Variants in SYNPR observed in about 807,000 individuals in gnomAD.
The protein encoded by SYNPR is synaptoporin.
Under a neutral mutation model 32.9 loss-of-function variants are expected in SYNPR, and 23 were observed. The observed-to-expected ratio is 0.70, with a 90% CI of 0.50 to 0.99. SYNPR has a LOEUF of 0.99. Ranked by LOEUF, SYNPR falls within the 50% of genes least tolerant of loss-of-function variation. SYNPR has a pLI of 0.00. For missense variants in SYNPR, 318 were observed against 349.3 expected (o/e 0.91, Z 0.71); for synonymous variants, 146 against 135.9 (o/e 1.07, Z -0.52).
At chr3:63,357,586 A>G (rs1034256811) in intron 2 of SYNPR, among the ~76,000 whole-genome samples, 7 of 152,032 alleles carry the variant, frequency 4.6e-5, no homozygotes, top group African/African-American at 1.7e-4. Flanking sequence ...TGCCTGCTGG[A>G]TTCTCATTGG....
intron 2 of SYNPR, among the ~76,000 whole-genome samples, chr3:63,446,213 A>G (rs1465645306): frequency 1.3e-5 from 2 of 151,956 alleles, no homozygotes; most frequent in Non-Finnish European, 2.9e-5. Flanking sequence ...ATAAAAAGCA[A>G]TTCCAACGGA....
intron 4 of SYNPR, among the ~76,000 whole-genome samples, chr3:63,576,207 TG>T (rs1702977063): frequency 6.6e-6 from 1 of 152,186 alleles, no homozygotes; most frequent in African/African-American, 2.4e-5. Context: ...TTCACAACTT[TG>T]TATGTGAGGT....
chr3:63,460,572 CAAAAAAA>C lies in SYNPR; in HGVS notation c.85-20243_85-20237del, dbSNP rs11390803. Among the ~76,000 whole-genome samples the C allele has an allele frequency of 1.1e-3, 48 of 45,714 alleles. No individual in the cohort carries two copies. In the Middle Eastern group the frequency reaches 0.062, roughly 60 times the overall value. The allele number at this position is 45,714 out of a possible 152,430, so 30.0% of individuals were successfully genotyped here. A position where few individuals can be genotyped will look rare whatever the true frequency, so the allele number is the denominator to read the frequency against. Reference sequence around the variant, plus strand: ...ACAGCATAGGTGAGGATTGGTAGACCAAAAAAAAAAAAAAAAAAAAAAAGCCAAGATT... The same window carrying C: ...ACAGCATAGGTGAGGATTGGTAGACCAAAAAAAAAAAAAAAAGCCAAGATT... On this transcript the variant is annotated intron_variant, in intron 2 of 5. Coordinates refer to ENST00000478300, the MANE Select transcript of SYNPR (RefSeq NM_001130003.2).
intron 3 of SYNPR, among the ~76,000 whole-genome samples, chr3:63,503,751 C>A (rs1044040316): frequency 1.3e-5 from 2 of 151,854 alleles, no homozygotes; most frequent in Admixed American, 1.3e-4. Flanking sequence ...AGTAACAGTA[C>A]CTCCTAAAAC....
At chr3:63,207,502 T>C in the SYNPR span, among the ~76,000 whole-genome samples, 1 of 152,334 alleles carries the variant, frequency 6.6e-6, no homozygotes, top group South Asian at 2.1e-4. Flanking sequence ...TTGGTAAGTA[T>C]TCATGAGTAC....
intron 3 of SYNPR, among the ~76,000 whole-genome samples, chr3:63,494,707 G>A (rs1245844435): frequency 1.3e-5 from 2 of 151,798 alleles, no homozygotes; most frequent in Non-Finnish European, 2.9e-5. Context: ...CACTTGACAG[G>A]TGAGCAAACT....
intron 1 of SYNPR, among the ~76,000 whole-genome samples, chr3:63,236,835 A>T (rs1029295821): frequency 6.6e-6 from 1 of 151,952 alleles, no homozygotes; most frequent in Non-Finnish European, 1.5e-5. Context: ...TTCCTTTCCA[A>T]TCTGTATGCC....
intron 2 of SYNPR, among the ~76,000 whole-genome samples, chr3:63,479,445 T>TGC (rs10647350): frequency 0.066 from 6,430 of 98,008 alleles, 487 homozygotes; most frequent in African/African-American, 0.2. Flanking sequence ...GCCACACACA[T>TGC]GCACACACAC....
At chr3:63,343,344 C>A (rs2087392639) in intron 2 of SYNPR, among the ~76,000 whole-genome samples, 1 of 152,114 alleles carries the variant, frequency 6.6e-6, no homozygotes, top group South Asian at 2.1e-4. Flanking sequence ...ACAATGGATT[C>A]TAGGAGAGCC....
chr3:63,408,200 G>GAAA (rs1560220870), intron 2 of SYNPR, among the ~76,000 whole-genome samples: 523 of 43,488 alleles, frequency 0.012, 48 homozygotes, highest in Non-Finnish European at 0.014. Context: ...GAAAGAGGAA[G>GAAA]GAAGGAAGGA....
In SYNPR at chr3:63,500,980, C is replaced by A. The variant is rs142950049; in HGVS notation, c.209+20024C>A. The stretch of plus-strand genomic sequence containing the variant: ...TAATTTGGAAAATGAAACTAATAAT[C>A]CCTATTTTGCAAGTTTTCTGTGACA... On this transcript the variant is annotated intron_variant, in intron 3 of 5. Transcript: ENST00000478300. 7.7e-3 allele frequency among the ~76,000 whole-genome samples: 1,168 copies of A among 152,166 alleles called. 14 individuals are homozygous for A. Among genetic ancestry groups the A allele is most frequent in the African/African-American group, 0.026 (1,078 of 41,512 alleles).
At chr3:63,534,311 A>G (rs964875095) in intron 3 of SYNPR, among the ~76,000 whole-genome samples, 4 of 152,184 alleles carry the variant, frequency 2.6e-5, no homozygotes, top group Admixed American at 6.5e-5. Flanking sequence ...GTGCTTTCTC[A>G]TGTGGGTACA....
intron 3 of SYNPR, among the ~76,000 whole-genome samples, chr3:63,494,451 ATAT>A (rs1701326046): frequency 7.6e-6 from 1 of 130,776 alleles, no homozygotes; most frequent in Non-Finnish European, 1.6e-5. Context: ...ATATATACAC[ATAT>A]ATATACATAT....
chr3:63,504,569 C>A (rs1327883977), intron 3 of SYNPR, among the ~76,000 whole-genome samples: 1 of 152,066 alleles, frequency 6.6e-6, no homozygotes, highest in Non-Finnish European at 1.5e-5. Flanking sequence ...GCTAGCCCAC[C>A]AAACCTCCGT....
intron 2 of SYNPR, among the ~76,000 whole-genome samples, chr3:63,338,206 G>A (rs964526939): frequency 6.6e-6 from 1 of 152,124 alleles, no homozygotes; most frequent in African/African-American, 2.4e-5. Context: ...TTTGTTTAAA[G>A]GAATCTAGCC....
At chr3:63,481,106 C>A in intron 3 of SYNPR, 150 bp downstream of exon 3, 2 of 1,003,202 alleles carry the variant, frequency 2.0e-6, no homozygotes, top group South Asian at 2.2e-5. Flanking sequence ...ACACAGTGCC[C>A]ACTCACCACC....
At chr3:63,487,345 G>T (rs1456307693) in intron 3 of SYNPR, among the ~76,000 whole-genome samples, 1 of 151,996 alleles carries the variant, frequency 6.6e-6, no homozygotes, top group African/African-American at 2.4e-5. Context: ...CTGTGAAACA[G>T]AAACAATGTT....
intron 1 of SYNPR, among the ~76,000 whole-genome samples, chr3:63,240,452 A>G (rs1433304539): frequency 6.6e-6 from 1 of 152,076 alleles, no homozygotes; most frequent in African/African-American, 2.4e-5. Flanking sequence ...CCTGTGGCTA[A>G]TGATCTGTGC....
chr3:63,428,013 C>A lies in SYNPR; in HGVS notation c.85-52819C>A, dbSNP rs531825550. ...ACTAGTTTTTTTTAAAATGTATTTTCTGTCTGCTCATTTAATTTCCTTATC... is the reference window on the plus strand; with the variant it reads ...ACTAGTTTTTTTTAAAATGTATTTTATGTCTGCTCATTTAATTTCCTTATC... On this transcript the variant is annotated intron_variant, in intron 2 of 5. Coordinates refer to ENST00000478300, the MANE Select transcript of SYNPR (RefSeq NM_001130003.2). 2.0e-5 allele frequency among the ~76,000 whole-genome samples: 3 copies of A among 152,256 alleles called. No homozygotes were observed. In the East Asian group the frequency reaches 5.8e-4, roughly 29 times the overall value.
Sources: gnomAD v4.1 joint callset for allele counts (sites outside exome capture counted in the v4.1 genomes callset) on GRCh38, gnomAD v4.1.1 for gene constraint, MANE v1.5 for transcripts, NCBI Gene and HGNC (gene_info 2026-07-23, HGNC 2026-07-21) for gene names.